Variants in CDH12 observed in about 807,000 individuals in gnomAD.
CDH12 encodes cadherin 12.
CDH12 carries 41 observed loss-of-function variants against 74.1 expected under a neutral mutation model. The ratio of observed to expected loss-of-function variants is 0.55; its 90% CI spans 0.43 to 0.72. CDH12 has a LOEUF of 0.72. Among genes scored for constraint, CDH12 ranks in the 30% least tolerant of loss-of-function variants. The pLI is 0.00. For synonymous variants in CDH12, 399 were observed against 355.0 expected (o/e 1.12, Z -1.39); for missense variants, 945 against 977.2 (o/e 0.97, Z 0.44).
chr5:22,459,455 C>T (rs1745414791), intron 2 of CDH12, among the ~76,000 whole-genome samples: 1 of 152,080 alleles, frequency 6.6e-6, no homozygotes, highest in African/African-American at 2.4e-5. Flanking sequence ...ATCATCCAGG[C>T]AAATTTACTG....
intron 3 of CDH12, among the ~76,000 whole-genome samples, chr5:22,349,955 C>T (rs1012828722): frequency 6.6e-6 from 1 of 152,176 alleles, no homozygotes; most frequent in African/African-American, 2.4e-5. Flanking sequence ...AATGATTGTA[C>T]ACAGTTCAAG....
chr5:22,345,963 G>A (rs1444188759), intron 3 of CDH12, among the ~76,000 whole-genome samples: 1 of 151,996 alleles, frequency 6.6e-6, no homozygotes. Flanking sequence ...AAAATTAGCT[G>A]GCTGTGGTGG....
At chr5:22,495,042 ACTC>A (rs1747045754) in intron 2 of CDH12, among the ~76,000 whole-genome samples, 1 of 151,806 alleles carries the variant, frequency 6.6e-6, no homozygotes, top group African/African-American at 2.4e-5. Flanking sequence ...AACAACAAAA[ACTC>A]CTTTTTGCAC....
chr5:22,198,231 C>T (rs1750729607), intron 4 of CDH12, among the ~76,000 whole-genome samples: 1 of 152,022 alleles, frequency 6.6e-6, no homozygotes, highest in Non-Finnish European at 1.5e-5. Flanking sequence ...GTACTTCTGT[C>T]AGTCACCCCA....
At chr5:22,560,214 A>G (rs1237460626) in intron 1 of CDH12, among the ~76,000 whole-genome samples, 2 of 152,190 alleles carry the variant, frequency 1.3e-5, no homozygotes, top group African/African-American at 4.8e-5. Context: ...TTAATTGGGA[A>G]AATTCTGAAA....
intron 4 of CDH12, among the ~76,000 whole-genome samples, chr5:22,170,119 A>C (rs1748933696): frequency 6.6e-6 from 1 of 151,904 alleles, no homozygotes; most frequent in African/African-American, 2.4e-5. Context: ...CACACCTACA[A>C]AGGCAGAAAG....
chr5:21,880,501 T>TCCTTCCTCCCTC (rs1468584598), intron 6 of CDH12, among the ~76,000 whole-genome samples: 2 of 25,380 alleles, frequency 7.9e-5, no homozygotes, highest in African/African-American at 1.7e-4. Context: ...CTTCCTTCCT[T>TCCTTCCTCCCTC]CCTCCCTCCC....
At chr5:21,931,373 T>C (rs1370076900) in intron 6 of CDH12, among the ~76,000 whole-genome samples, 1 of 152,162 alleles carries the variant, frequency 6.6e-6, no homozygotes, top group African/African-American at 2.4e-5. Flanking sequence ...CTACCTATAA[T>C]AGGCTTTTAA....
intron 1 of CDH12, among the ~76,000 whole-genome samples, chr5:22,747,460 C>T (rs77925880): frequency 5.0e-5 from 3 of 60,514 alleles, no homozygotes; most frequent in African/African-American, 1.7e-4. Flanking sequence ...CCTGTCTGTA[C>T]AAAAAAAAAA....
chr5:22,030,211 A>C (rs574146242), intron 5 of CDH12, among the ~76,000 whole-genome samples: 22 of 152,172 alleles, frequency 1.4e-4, no homozygotes, highest in Non-Finnish European at 2.6e-4. Flanking sequence ...ACATGTATAC[A>C]TATGTAACTA....
chr5:22,147,930 G>GT lies in CDH12; in HGVS notation c.-187+64567dup, dbSNP rs1276467761. On this transcript the variant is annotated intron_variant, in intron 4 of 14. Transcript: ENST00000382254. Reference sequence around the variant, plus strand: ...CAGATATCATATTCATCTGGTAGTGGTCAGTACATCTGTGCACAACCTCAG... The same window carrying GT: ...CAGATATCATATTCATCTGGTAGTGGTTCAGTACATCTGTGCACAACCTCAG... Among the ~76,000 whole-genome samples, 5 of 152,278 alleles carry GT rather than the reference G, an allele frequency of 3.3e-5. No homozygotes were observed. The East Asian group carries it at 9.7e-4, about 29-fold the overall frequency.
At chr5:22,459,189 T>C (rs1387791324) in intron 2 of CDH12, among the ~76,000 whole-genome samples, 1 of 152,094 alleles carries the variant, frequency 6.6e-6, no homozygotes, top group Admixed American at 6.5e-5. Flanking sequence ...AAAAAGACAT[T>C]GTATCACATC....
chr5:21,975,930 A>G (rs1277796977), intron 5 of CDH12, among the ~76,000 whole-genome samples: 1 of 152,070 alleles, frequency 6.6e-6, no homozygotes, highest in Non-Finnish European at 1.5e-5. Flanking sequence ...AAACACCACA[A>G]AATAAACTTT....
intron 9 of CDH12, among the ~76,000 whole-genome samples, chr5:21,806,278 T>C (rs1420370795): frequency 2.0e-5 from 3 of 152,076 alleles, no homozygotes; most frequent in African/African-American, 7.2e-5. Context: ...GGGAGAAAAA[T>C]TGCATCTGTA....
In CDH12 at chr5:21,852,866, T is replaced by C. The variant is rs192799964; in HGVS notation, c.646+1805A>G. Among the ~76,000 whole-genome samples, 3 of 151,524 alleles carry C rather than the reference T, an allele frequency of 2.0e-5. No individual in the cohort carries two copies. In the Admixed American group the frequency reaches 2.0e-4, roughly 10 times the overall value. On this transcript the variant is annotated intron_variant, in intron 7 of 14. Coordinates refer to ENST00000382254, the MANE Select transcript of CDH12 (RefSeq NM_004061.5). ...GAGAACAGCATTGTCCATACTTCCA[T>C]TTCTGGTCAGATTACCCATTATAGC...
chr5:21,820,452 A>T (rs1335620580), intron 8 of CDH12, among the ~76,000 whole-genome samples: 1 of 152,050 alleles, frequency 6.6e-6, no homozygotes, highest in Non-Finnish European at 1.5e-5. Context: ...AGATAAAAGT[A>T]AAGCAATGAT....
At chr5:21,763,915 T>G (rs1214452655) in intron 12 of CDH12, among the ~76,000 whole-genome samples, 3 of 152,186 alleles carry the variant, frequency 2.0e-5, no homozygotes, top group Non-Finnish European at 2.9e-5. Context: ...ATAACCCAGA[T>G]GTTCTCCTCA....
chr5:22,739,345 C>T (rs780020242), intron 1 of CDH12, among the ~76,000 whole-genome samples: 8 of 146,380 alleles, frequency 5.5e-5, no homozygotes, highest in Non-Finnish European at 7.6e-5. Flanking sequence ...AAAGAAAAAA[C>T]TCTGACACTC....
chr5:22,779,810 C>A (rs948698172), intron 1 of CDH12, among the ~76,000 whole-genome samples: 71 of 152,258 alleles, frequency 4.7e-4, no homozygotes, highest in Middle Eastern at 3.4e-3. Context: ...GTCAGTTAAA[C>A]CTTTTTTCTT....
Sources: gnomAD v4.1 joint callset for allele counts (sites outside exome capture counted in the v4.1 genomes callset) on GRCh38, gnomAD v4.1.1 for gene constraint, MANE v1.5 for transcripts, NCBI Gene and HGNC (gene_info 2026-07-23, HGNC 2026-07-21) for gene names.